The following CMIP variants were observed in gnomAD, a reference collection of about 807,000 sequenced individuals.
The protein encoded by CMIP is C-Maf-inducing protein.
In CMIP, 13 loss-of-function variants were observed where a neutral mutation model predicts 97.3. The ratio of observed to expected loss-of-function variants is 0.13; its 90% CI spans 0.09 to 0.21. The LOEUF is 0.21. CMIP is among the 10% of genes least tolerant of loss of function. The pLI is 1.00. For missense variants in CMIP, 847 were observed against 1,024.9 expected (o/e 0.83, Z 2.37); for synonymous variants, 538 against 436.3 (o/e 1.23, Z -2.91).
chr16:81,476,305 C>A lies in CMIP; in HGVS notation c.300+30764C>A, dbSNP rs563465315. On this transcript the variant is annotated intron_variant, in intron 1 of 20. Coordinates refer to ENST00000537098, the MANE Select transcript of CMIP (RefSeq NM_198390.3). ...CCCATAGATGGACTTGCCACCAGTG[C>A]CATTACGGCGTGTGAAGTCACCACC... The A allele has an allele frequency of 5.0e-5, 78 of 1,551,872 alleles. 1 individual carries two copies. The South Asian group carries it at 8.2e-4, about 16-fold the overall frequency.
intron 1 of CMIP, among the ~76,000 whole-genome samples, chr16:81,591,599 AT>A (rs1320020825): frequency 1.3e-5 from 2 of 152,114 alleles, no homozygotes; most frequent in Non-Finnish European, 2.9e-5. Context: ...GTGTGATTGC[AT>A]TTATAACATG....
At chr16:81,494,635 C>A (rs568613251) in intron 1 of CMIP, among the ~76,000 whole-genome samples, 206 of 152,222 alleles carry the variant, frequency 1.4e-3, no homozygotes, top group African/African-American at 4.9e-3. Context: ...GGGGCCGCCC[C>A]CCGATGCCTC....
chr16:81,466,129 C>T (rs111732798), intron 1 of CMIP, among the ~76,000 whole-genome samples: 29 of 152,246 alleles, frequency 1.9e-4, no homozygotes, highest in African/African-American at 6.7e-4. Flanking sequence ...GGCACAATCA[C>T]AGCTTGCTGC....
chr16:81,620,869 G>T lies in CMIP; in HGVS notation c.427-7G>T. ...CGGACCTTGCTGTCCTGTTCTTGTC[G>T]TTACAGGCTGCCAATAGCTACCTGC... On this transcript the variant is annotated splice_polypyrimidine_tract_variant and splice_region_variant and intron_variant, in intron 2 of 20. Transcript: ENST00000537098. 1.2e-6 allele frequency: 2 copies of T among 1,613,904 alleles called. No homozygotes were observed. Among genetic ancestry groups the T allele is most frequent in the Non-Finnish European group, 1.7e-6 (2 of 1,179,842 alleles).
chr16:81,564,500 A>C (rs2966119), intron 1 of CMIP, among the ~76,000 whole-genome samples: 1 of 152,080 alleles, frequency 6.6e-6, no homozygotes, highest in Non-Finnish European at 1.5e-5. Context: ...AATCCCCTAG[A>C]GTTGATGTGG....
At position 81,709,941 on chromosome 16, in the gene CMIP, G is replaced by C. The variant is rs1256025940; in HGVS notation, c.*142G>C. 8.1e-6 allele frequency: 5 copies of C among 619,220 alleles called. No homozygotes were observed. Among genetic ancestry groups the C allele is most frequent in the Non-Finnish European group, 1.4e-5 (5 of 347,266 alleles). 38.4% of individuals were successfully genotyped at this position (619,220 alleles called of 1,614,324 possible). A position where few individuals can be genotyped will look rare whatever the true frequency, so the allele number is the denominator to read the frequency against. The stretch of plus-strand genomic sequence containing the variant: ...GGGGAGTCTTTCTGGGGGCGGAGGG[G>C]GGAGGGGGTGGGGAGGGGGCCCACA... On this transcript the variant is annotated 3_prime_UTR_variant, in exon 21 of 21. Transcript: ENST00000537098.
In CMIP at chr16:81,453,299, G is replaced by A. The variant is rs540414158; in HGVS notation, c.300+7758G>A. On this transcript the variant is annotated intron_variant, in intron 1 of 20. Coordinates refer to ENST00000537098, the MANE Select transcript of CMIP (RefSeq NM_198390.3). The surrounding 1 kb of genome is among the most constrained non-coding windows in gnomAD (Gnocchi z 4.0). ...CTTTTTGGAGGGAAGCACGTGGTCT[G>A]GATCGTCTGGTCCCTGGTGGATATA... Among the ~76,000 whole-genome samples, 1 of 152,232 alleles carries A rather than the reference G, an allele frequency of 6.6e-6. No individual in the cohort carries two copies. Among genetic ancestry groups the A allele is most frequent in the African/African-American group, 2.4e-5 (1 of 41,466 alleles).
intron 3 of CMIP, among the ~76,000 whole-genome samples, chr16:81,650,894 C>A (rs2092420490): frequency 6.6e-6 from 1 of 152,202 alleles, no homozygotes; most frequent in Non-Finnish European, 1.5e-5. Flanking sequence ...TCCCGTCCCA[C>A]CAGTGTGCCT....
Position 81,478,028 on chromosome 16 carries a change from A to T in CMIP, c.300+32487A>T, listed in dbSNP as rs148386079. ...GTGGGAGCCATGAATCCCACCCCAC[A>T]GCAGGATTTTTATTATTGAGAAGGG... is the stretch of plus-strand genomic sequence containing the variant. On this transcript the variant is annotated intron_variant, in intron 1 of 20. Transcript: ENST00000537098. 4.1e-3 allele frequency among the ~76,000 whole-genome samples: 632 copies of T among 152,358 alleles called. 3 individuals carry two copies. The highest frequency in any genetic ancestry group is 0.015 in the African/African-American group (605 of 41,586).
intron 1 of CMIP, among the ~76,000 whole-genome samples, chr16:81,457,282 C>T (rs1251176969): frequency 1.3e-5 from 2 of 152,038 alleles, no homozygotes; most frequent in Non-Finnish European, 2.9e-5. Flanking sequence ...GTCGCCTTTG[C>T]CTCTTGCCTT....
At chr16:81,671,514 T>C (rs1315062649) in intron 8 of CMIP, among the ~76,000 whole-genome samples, 1 of 152,234 alleles carries the variant, frequency 6.6e-6, no homozygotes, top group Non-Finnish European at 1.5e-5. Flanking sequence ...TAAAATGAGG[T>C]GTTAGGAATA....
At chr16:81,488,421 C>T (rs923216137) in intron 1 of CMIP, among the ~76,000 whole-genome samples, 2 of 152,138 alleles carry the variant, frequency 1.3e-5, no homozygotes, top group Non-Finnish European at 2.9e-5. Flanking sequence ...ATGAGTAATA[C>T]GTATGAAGTG....
At chr16:81,514,448 A>C (rs1034191052) in intron 1 of CMIP, among the ~76,000 whole-genome samples, 1 of 152,160 alleles carries the variant, frequency 6.6e-6, no homozygotes, top group Non-Finnish European at 1.5e-5. Context: ...CCAGGTTCCA[A>C]CCCAGCTGGC....
At chr16:81,593,527 G>C (rs1202294309) in intron 1 of CMIP, among the ~76,000 whole-genome samples, 1 of 152,246 alleles carries the variant, frequency 6.6e-6, no homozygotes, top group Non-Finnish European at 1.5e-5. Context: ...CCGACTCCAA[G>C]CCGGAGCTTT....
intron 3 of CMIP, among the ~76,000 whole-genome samples, chr16:81,632,434 A>G (rs994704165): frequency 7.9e-5 from 12 of 152,120 alleles, no homozygotes; most frequent in African/African-American, 2.7e-4. Flanking sequence ...ATGCTCCTTA[A>G]TATATGTCGC....
chr16:81,466,570 C>G (rs977572158), intron 1 of CMIP, among the ~76,000 whole-genome samples: 1 of 152,220 alleles, frequency 6.6e-6, no homozygotes, highest in African/African-American at 2.4e-5. Context: ...TGAGGCATAA[C>G]TGAGACATTG....
chr16:81,528,934 C>T (rs889754370), intron 1 of CMIP, among the ~76,000 whole-genome samples: 2 of 152,102 alleles, frequency 1.3e-5, no homozygotes, highest in African/African-American at 4.8e-5. Context: ...TGTTTGCCTA[C>T]CAGTCCATGC....
chr16:81,546,639 G>A (rs1489734985), intron 1 of CMIP, among the ~76,000 whole-genome samples: 1 of 152,178 alleles, frequency 6.6e-6, no homozygotes, highest in Admixed American at 6.5e-5. Flanking sequence ...CGGCCTCGTG[G>A]AGAAAATTGA....
intron 3 of CMIP, among the ~76,000 whole-genome samples, chr16:81,634,155 C>T (rs1597173078): frequency 6.6e-6 from 1 of 152,230 alleles, no homozygotes; most frequent in Non-Finnish European, 1.5e-5. Flanking sequence ...TTAACATACC[C>T]TCCGGGTGAC....
Sources: allele counts gnomAD v4.1 joint callset (sites outside exome capture counted in the v4.1 genomes callset), GRCh38; gene constraint gnomAD v4.1.1; non-coding constraint Gnocchi (gnomAD v3.1); transcripts MANE v1.5; gene names NCBI Gene and HGNC (gene_info 2026-07-23, HGNC 2026-07-21).